PAQR7: variants seen among roughly 807,000 people sequenced by gnomAD.
The protein encoded by PAQR7 is progestin and adipoQ receptor family member 7.
In PAQR7, 14 loss-of-function variants were observed where a neutral mutation model predicts 24.6. The ratio of observed to expected loss-of-function variants is 0.57; its 90% confidence interval spans 0.38 to 0.89. The LOEUF is 0.89. Ranked by LOEUF, PAQR7 falls within the 40% of genes least tolerant of loss-of-function variation. The probability of loss-of-function intolerance (pLI) is 0.00; values close to 1 mark genes in which losing one functional copy is unlikely to be tolerated. For missense variants in PAQR7, 351 were observed against 444.0 expected, an observed-to-expected ratio of 0.79 and a Z score of 1.88; for synonymous variants, 189 against 198.8, an observed-to-expected ratio of 0.95 and a Z score of 0.42.
Position 25,863,047 on chromosome 1 carries a change from G to A in PAQR7, c.793C>T (p.Pro265Ser). 1 of 1,614,124 alleles carries A rather than the reference G, an allele frequency of 6.2e-7. No homozygotes were observed. Among genetic ancestry groups the A allele is most frequent in the Non-Finnish European group, 8.5e-7 (1 of 1,180,058 alleles). The change falls in exon 3 of 3, where the codon CCT (proline) becomes TCT (serine). Residue 265 changes from proline (P) to serine (S), a missense_variant. Pro to Ser is a moderately conservative substitution (Grantham distance 74, BLOSUM62 -1). Coordinates refer to ENST00000675840, the MANE Select transcript of PAQR7 (RefSeq NM_178422.6). This position sits in a 1 kb window ranked among gnomAD's most constrained non-coding sequence, Gnocchi z 6.1. Reference protein sequence around the residue: ...FSTFMPERWFPGSCHVFGQGH... With the variant: ...FSTFMPERWFSGSCHVFGQGH... ...TGCCCGAAGACATGGCAGCTGCCAGGGAACCAGCGCTCGGGCATGAAGGTA... is the reference window on the plus strand; with the variant it reads ...TGCCCGAAGACATGGCAGCTGCCAGAGAACCAGCGCTCGGGCATGAAGGTA...
At position 25,863,101 on chromosome 1, in the gene PAQR7, A is replaced by C; in HGVS notation, c.739T>G (p.Phe247Val). 1 of 1,614,124 alleles carries C rather than the reference A, an allele frequency of 6.2e-7. No homozygotes were observed. Among genetic ancestry groups the C allele is most frequent in the Non-Finnish European group, 8.5e-7 (1 of 1,180,048 alleles). Residue 247 changes from phenylalanine (F) to valine (V), a missense_variant, in exon 3 of 3, where the codon TTC (phenylalanine) becomes GTC (valine). Transcript: ENST00000675840. This position sits in a 1 kb window ranked among gnomAD's most constrained non-coding sequence, Gnocchi z 6.1. ...AAGAAGGCAGCAGCCAGCAGAAAGA[A>C]GACCACCTGGCACTTGTGGTAGAGA... ...ALLYHKCQVVFFLLAAAFFST... is the reference protein window; with the variant it reads ...ALLYHKCQVVVFLLAAAFFST...
Position 25,863,235 on chromosome 1 carries a change from C to G in PAQR7, c.605G>C (p.Gly202Ala). 6.2e-7 allele frequency: 1 copy of G among 1,614,246 alleles called. No homozygotes were observed. The highest frequency in any genetic ancestry group is 8.5e-7 in the Non-Finnish European group (1 of 1,180,038). Residue 202 changes from glycine to alanine, a missense_variant, in exon 3 of 3, where the codon GGC becomes GCC. Gly to Ala is a moderately conservative substitution (Grantham distance 60). Coordinates refer to ENST00000675840, the MANE Select transcript of PAQR7 (RefSeq NM_178422.6). This position sits in a 1 kb window ranked among gnomAD's most constrained non-coding sequence, Gnocchi z 6.1. ...GGAGGGCACCTCCTGGCATGTGCGG[C>G]CCAGCAGGCCTGGTTTCTGGATGTA... ...NKYIQKPGLLGRTCQEVPSVL... is the reference protein window; with the variant it reads ...NKYIQKPGLLARTCQEVPSVL...
rs2048645068 is a variant in PAQR7 at position 25,875,564 on chromosome 1, G to A, written c.-185C>T. On this transcript the variant is annotated 5_prime_UTR_variant, in exon 1 of 3. Coordinates refer to ENST00000675840, the MANE Select transcript of PAQR7 (RefSeq NM_178422.6). The surrounding 1 kb of genome is among the most constrained non-coding windows in gnomAD (Gnocchi z 5.4). ...GCAGATAAAAGAGCAGCCGGGCAGCGGCCCCGCCCCAAGCCGGGGGAGGGC... is the reference window on the plus strand; with the variant it reads ...GCAGATAAAAGAGCAGCCGGGCAGCAGCCCCGCCCCAAGCCGGGGGAGGGC... Among the ~76,000 whole-genome samples, 1 of 151,966 alleles carries A rather than the reference G, an allele frequency of 6.6e-6. No individual in the cohort carries two copies. The highest frequency in any genetic ancestry group is 2.1e-4 in the South Asian group (1 of 4,826).
At chr1:25,868,251 A>T (rs2048573662) in intron 2 of PAQR7, among the ~76,000 whole-genome samples, 1 of 152,174 alleles carries the variant, frequency 6.6e-6, no homozygotes, top group Non-Finnish European at 1.5e-5. Flanking sequence ...GAGTCCTCCC[A>T]CCCAGCAAGG....
Position 25,862,694 on chromosome 1 carries a change from T to C in PAQR7, c.*105A>G. 8.2e-7 allele frequency: 1 copy of C among 1,219,436 alleles called. No individual in the cohort carries two copies. Among genetic ancestry groups the C allele is most frequent in the Non-Finnish European group, 1.2e-6 (1 of 869,244 alleles). 75.5% of individuals were successfully genotyped at this position (1,219,436 alleles called of 1,614,324 possible). On this transcript the variant is annotated 3_prime_UTR_variant, in exon 3 of 3. Coordinates refer to ENST00000675840, the MANE Select transcript of PAQR7 (RefSeq NM_178422.6). ...TTGAGTCGTGCACAGAGAGTCACTGTGGGCCAGACACAAACAACTTTACCA... is the reference window on the plus strand; with the variant it reads ...TTGAGTCGTGCACAGAGAGTCACTGCGGGCCAGACACAAACAACTTTACCA...
chr1:25,865,186 G>A (rs1229307970), intron 2 of PAQR7, among the ~76,000 whole-genome samples: 1 of 149,210 alleles, frequency 6.7e-6, no homozygotes, highest in African/African-American at 2.5e-5. Flanking sequence ...CATTTCTTCT[G>A]GGATGCTTTC....
In PAQR7 at chr1:25,862,982, C is replaced by G. The variant is rs148945595; in HGVS notation, c.858G>C (p.Thr286=). Reference sequence around the variant, plus strand: ...GTGCCACAGCCTCCAGCTGAGCCAGCGTGCACAGCACCAAGAAGATGTGGA... The same window carrying G: ...GTGCCACAGCCTCCAGCTGAGCCAGGGTGCACAGCACCAAGAAGATGTGGA... ...QLFHIFLVLC[T]LAQLEAVALD... Residue 286 remains threonine (T), a synonymous_variant, in exon 3 of 3, where the codon ACG becomes ACC. Transcript: ENST00000675840. 1 of 1,614,056 alleles carries G rather than the reference C, an allele frequency of 6.2e-7. No homozygotes were observed. Among genetic ancestry groups the G allele is most frequent in the Non-Finnish European group, 8.5e-7 (1 of 1,180,054 alleles).
rs1284175361 is a variant in PAQR7 at position 25,861,870 on chromosome 1, G to C, written c.*929C>G. On this transcript the variant is annotated 3_prime_UTR_variant, in exon 3 of 3. Transcript: ENST00000675840. ...TCTCTACTAAAAATACAGAAAATTA[G>C]CCAGGCATGGTGGTGCATGCCTGTA... The C allele has an allele frequency of 6.6e-6, 1 of 151,908 alleles. No individual in the cohort carries two copies. Among genetic ancestry groups the C allele is most frequent in the Non-Finnish European group, 1.5e-5 (1 of 68,064 alleles). 9.4% of individuals were successfully genotyped at this position (151,908 alleles called of 1,614,324 possible).
At chr1:25,870,448 CCCACACCTCTCCTCCCCAACTTCA>C (rs1361549544) in intron 2 of PAQR7, among the ~76,000 whole-genome samples, 137 bp downstream of exon 2, 6 of 152,208 alleles carry the variant, frequency 3.9e-5, no homozygotes, top group African/African-American at 1.4e-4. Context: ...AAGACAACCT[CCCACACCTCTCCTCCCCAACTTCA>C]CCACTCCCAT....
At chr1:25,864,718 G>A (rs2048542402) in intron 2 of PAQR7, among the ~76,000 whole-genome samples, 3 of 152,060 alleles carry the variant, frequency 2.0e-5, no homozygotes, top group Non-Finnish European at 4.4e-5. Context: ...AGGTGTGGTG[G>A]CATGTGCCTG....
At chr1:25,871,454 T>C (rs1162932099) in intron 1 of PAQR7, among the ~76,000 whole-genome samples, 1 of 152,140 alleles carries the variant, frequency 6.6e-6, no homozygotes, top group Non-Finnish European at 1.5e-5. Flanking sequence ...TTGGGAGTCT[T>C]CTGGGTTGGC....
In PAQR7 at chr1:25,863,906, C is replaced by G; in HGVS notation, c.-22-45G>C. ...AAAGTCAGGGGCCTGGTGTCCTCAC[C>G]CCCACGAGCAGCAGCTGGGGGGCTC... On this transcript the variant is annotated intron_variant, in intron 2 of 2. Coordinates refer to ENST00000675840, the MANE Select transcript of PAQR7 (RefSeq NM_178422.6). This position sits in a 1 kb window ranked among gnomAD's most constrained non-coding sequence, Gnocchi z 6.1. 1.2e-5 allele frequency: 18 copies of G among 1,465,430 alleles called. No homozygotes were observed. Among genetic ancestry groups the G allele is most frequent in the Non-Finnish European group, 1.6e-5 (17 of 1,091,428 alleles). 90.8% of individuals were successfully genotyped at this position (1,465,430 alleles called of 1,614,324 possible).
Position 25,861,988 on chromosome 1 carries a change from C to G in PAQR7, c.*811G>C, listed in dbSNP as rs1284521568. On this transcript the variant is annotated 3_prime_UTR_variant, in exon 3 of 3. Transcript: ENST00000675840. ...CGAGATCGCACCATTTTACTCCAGC[C>G]TAGCCAACAAGAGCGAAACTCCTCA... 1 of 125,558 alleles carries G rather than the reference C, an allele frequency of 8.0e-6. No homozygotes were observed. The highest frequency in any genetic ancestry group is 3.1e-5 in the African/African-American group (1 of 31,922). 7.8% of individuals were successfully genotyped at this position (125,558 alleles called of 1,614,324 possible).
At chr1:25,867,554 A>G (rs1477932451) in intron 2 of PAQR7, among the ~76,000 whole-genome samples, 1 of 152,242 alleles carries the variant, frequency 6.6e-6, no homozygotes, top group East Asian at 1.9e-4. Context: ...CTCAGTGTTC[A>G]GGTTCATCAG....
At position 25,862,594 on chromosome 1, in the gene PAQR7, C is replaced by A. The variant is rs1477826041; in HGVS notation, c.*205G>T. 6 of 601,502 alleles carry A rather than the reference C, an allele frequency of 1.0e-5. No homozygotes were observed. Among genetic ancestry groups the A allele is most frequent in the Non-Finnish European group, 1.7e-5 (6 of 347,732 alleles). 37.3% of individuals were successfully genotyped at this position (601,502 alleles called of 1,614,324 possible). A position where few individuals can be genotyped will look rare whatever the true frequency, so the allele number is the denominator to read the frequency against. On this transcript the variant is annotated 3_prime_UTR_variant, in exon 3 of 3. Transcript: ENST00000675840. ...CCTCTCCCTGGGCAAGGAGCTGGGG[C>A]AGGCCCAGGAGTGGACCCCAGCAAC...
chr1:25,862,592 G>T lies in PAQR7; in HGVS notation c.*207C>A. On this transcript the variant is annotated 3_prime_UTR_variant, in exon 3 of 3. Coordinates refer to ENST00000675840, the MANE Select transcript of PAQR7 (RefSeq NM_178422.6). ...TCCCTCTCCCTGGGCAAGGAGCTGG[G>T]GCAGGCCCAGGAGTGGACCCCAGCA... 3.3e-6 allele frequency: 2 copies of T among 598,826 alleles called. No homozygotes were observed. Among genetic ancestry groups the T allele is most frequent in the Non-Finnish European group, 2.9e-6 (1 of 345,202 alleles). The allele number at this position is 598,826 out of a possible 1,614,324, so 37.1% of individuals were successfully genotyped here.
intron 1 of PAQR7, among the ~76,000 whole-genome samples, chr1:25,871,455 C>T (rs183947409): frequency 1.3e-5 from 2 of 152,262 alleles, no homozygotes; most frequent in African/African-American, 4.8e-5. Flanking sequence ...TGGGAGTCTT[C>T]TGGGTTGGCT....
At chr1:25,872,083 T>C (rs973173043) in intron 1 of PAQR7, among the ~76,000 whole-genome samples, 4 of 152,270 alleles carry the variant, frequency 2.6e-5, no homozygotes, top group African/African-American at 9.6e-5. Context: ...ATTCACCTGC[T>C]GTGTGACTCT....
chr1:25,872,053 G>A (rs970592910), intron 1 of PAQR7, among the ~76,000 whole-genome samples: 1 of 152,252 alleles, frequency 6.6e-6, no homozygotes, highest in African/African-American at 2.4e-5. Context: ...TTTATGTGAG[G>A]ATGAAATTTC....
Sources: allele counts gnomAD v4.1 joint callset (sites outside exome capture counted in the v4.1 genomes callset), GRCh38; gene constraint gnomAD v4.1.1; non-coding constraint Gnocchi (gnomAD v3.1); transcripts MANE v1.5; gene names NCBI Gene and HGNC (gene_info 2026-07-23, HGNC 2026-07-21).